PCDHGB3: variants seen among roughly 807,000 people sequenced by gnomAD.
The protein encoded by PCDHGB3 is protocadherin gamma subfamily B, 3, also known as protocadherin gamma-B3.
A neutral mutation model predicts 59.2 loss-of-function variants in PCDHGB3; 40 were observed. The ratio of observed to expected loss-of-function variants is 0.68; its 90% CI spans 0.52 to 0.88. The LOEUF is 0.88. Ranked by LOEUF, PCDHGB3 falls within the 40% of genes least tolerant of loss-of-function variation. PCDHGB3 has a pLI of 0.00. For synonymous variants in PCDHGB3, 581 were observed against 503.6 expected (o/e 1.15, Z -2.06); for missense variants, 1,309 against 1,187.9 (o/e 1.10, Z -1.50).
intron 1 of PCDHGB3, chr5:141,415,759 T>TTTG: frequency 3.7e-6 from 5 of 1,352,140 alleles, no homozygotes; most frequent in Non-Finnish European, 4.8e-6. Flanking sequence ...TTTTTTTTTT[T>TTTG]TTTTTTTTTT....
In PCDHGB3 at chr5:141,491,681, C is replaced by A; in HGVS notation, c.2416-3126C>A. The A allele has an allele frequency of 6.2e-7, 1 of 1,613,458 alleles. No individual in the cohort carries two copies. Among genetic ancestry groups the A allele is most frequent in the Non-Finnish European group, 8.5e-7 (1 of 1,179,804 alleles). ...GACGCCATCCGGTCCCGCTCTAATA[C>A]GCTGCGGGAGCGGAGCCAGGTGAGG... On this transcript the variant is annotated intron_variant, in intron 1 of 3. Coordinates refer to ENST00000576222, the MANE Select transcript of PCDHGB3 (RefSeq NM_018924.5). This position sits in a 1 kb window ranked among gnomAD's most constrained non-coding sequence, Gnocchi z 6.9.
chr5:141,430,485 G>T (rs926788879), intron 1 of PCDHGB3: 2 of 252,972 alleles, frequency 7.9e-6, no homozygotes, highest in Non-Finnish European at 7.4e-6. Flanking sequence ...ATATAAAAAC[G>T]AAATATCCTT....
At chr5:141,376,460 A>G (rs1437479138) in intron 1 of PCDHGB3, 3 of 1,614,038 alleles carry the variant, frequency 1.9e-6, no homozygotes, top group Non-Finnish European at 2.5e-6. Context: ...GCCTCTTCTG[A>G]TAACTCAGGA....
intron 1 of PCDHGB3, chr5:141,478,197 T>G (rs2099437910): frequency 6.2e-7 from 1 of 1,613,956 alleles, no homozygotes; most frequent in Admixed American, 1.7e-5. Context: ...ACCTTTTATC[T>G]ACTTCTTTCT....
At chr5:141,380,282 T>C (rs1263967352) in intron 1 of PCDHGB3, among the ~76,000 whole-genome samples, 3 of 152,306 alleles carry the variant, frequency 2.0e-5, no homozygotes, top group Admixed American at 6.5e-5. Flanking sequence ...AGGAGAAACA[T>C]TGGAAGATAC....
intron 1 of PCDHGB3, among the ~76,000 whole-genome samples, chr5:141,405,786 T>C (rs72790035): frequency 0.064 from 9,727 of 151,196 alleles, 364 homozygotes; most frequent in African/African-American, 0.1. Context: ...CCCTTAACTT[T>C]CTATTATAGT....
chr5:141,409,490 C>G (rs780688280), intron 1 of PCDHGB3: 12 of 1,613,892 alleles, frequency 7.4e-6, no homozygotes, highest in Non-Finnish European at 1.0e-5. Context: ...CAGGGGCAAG[C>G]CGCCTCTTTC....
At chr5:141,410,705 A>G (rs1462423983) in intron 1 of PCDHGB3, 1 of 1,460,780 alleles carries the variant, frequency 6.8e-7, no homozygotes, top group Non-Finnish European at 9.1e-7. Context: ...TTTCATATCT[A>G]GAATCATATG....
At chr5:141,395,072 T>C in intron 1 of PCDHGB3, 1 of 1,614,148 alleles carries the variant, frequency 6.2e-7, no homozygotes, top group Non-Finnish European at 8.5e-7. Context: ...TGCAGACCTA[T>C]TCCCAGGAAG....
chr5:141,487,595 G>C lies in PCDHGB3; in HGVS notation c.2416-7212G>C. ...TGTTCGCCCAAGCTGCCCACCCTCT[G>C]ATCTTCTCTATGGGCTAGAGGTGAG... On this transcript the variant is annotated intron_variant, in intron 1 of 3. Coordinates refer to ENST00000576222, the MANE Select transcript of PCDHGB3 (RefSeq NM_018924.5). The surrounding 1 kb of genome is among the most constrained non-coding windows in gnomAD (Gnocchi z 5.0). 1 of 1,614,202 alleles carries C rather than the reference G, an allele frequency of 6.2e-7. No homozygotes were observed. The highest frequency in any genetic ancestry group is 8.5e-7 in the Non-Finnish European group (1 of 1,180,038).
chr5:141,508,979 G>C (rs1317798009), intron 3 of PCDHGB3, among the ~76,000 whole-genome samples: 1 of 152,110 alleles, frequency 6.6e-6, no homozygotes, highest in Admixed American at 6.5e-5. Context: ...GCTGGGGGTG[G>C]GGGCCAGCTG....
intron 1 of PCDHGB3, chr5:141,389,310 G>A: frequency 6.2e-7 from 1 of 1,614,018 alleles, no homozygotes; most frequent in Non-Finnish European, 8.5e-7. Context: ...CAGGGCTTCT[G>A]ATCCGGACTT....
At chr5:141,470,202 A>G (rs928782890) in intron 1 of PCDHGB3, among the ~76,000 whole-genome samples, 9 of 152,216 alleles carry the variant, frequency 5.9e-5, no homozygotes, top group Non-Finnish European at 1.2e-4. Flanking sequence ...GATAAATATG[A>G]AGGCTAAACC....
rs2097401329 is a variant in PCDHGB3 at position 141,431,623 on chromosome 5, G to A, written c.2415+58814G>A. 1 of 1,614,192 alleles carries A rather than the reference G, an allele frequency of 6.2e-7. No homozygotes were observed. The highest frequency in any genetic ancestry group is 1.7e-5 in the Admixed American group (1 of 60,028). On this transcript the variant is annotated intron_variant, in intron 1 of 3. Coordinates refer to ENST00000576222, the MANE Select transcript of PCDHGB3 (RefSeq NM_018924.5). This position sits in a 1 kb window ranked among gnomAD's most constrained non-coding sequence, Gnocchi z 4.8. ...CCTTCCGGTATGTGGACGACAAGGC[G>A]GCCCAAGTTTTCAAACTAGATTGTA...
chr5:141,433,140 CAGGTGATTCGGTATTTTCTAAAG>C (rs2097570930), intron 1 of PCDHGB3: 1 of 1,613,948 alleles, frequency 6.2e-7, no homozygotes, highest in Non-Finnish European at 8.5e-7. Flanking sequence ...CTTTTGCTGT[CAGGTGATTCGGTATTTTCTAAAG>C]ACAGTCATGG....
chr5:141,418,085 A>C lies in PCDHGB3; in HGVS notation c.2415+45276A>C, dbSNP rs1235378254. On this transcript the variant is annotated intron_variant, in intron 1 of 3. Transcript: ENST00000576222. The stretch of plus-strand genomic sequence containing the variant: ...AGTGAGCGCGGAGAAGCTGCACTTC[A>C]GCGTAGACGCGCAGAGCGGGGACTT... The C allele has an allele frequency of 2.5e-6, 4 of 1,613,936 alleles. No homozygotes were observed. The highest frequency in any genetic ancestry group is 3.4e-6 in the Non-Finnish European group (4 of 1,179,908).
chr5:141,420,496 G>T, intron 1 of PCDHGB3: 1 of 495,924 alleles, frequency 2.0e-6, no homozygotes, highest in Non-Finnish European at 3.1e-6. Context: ...GTAATCTCCG[G>T]TGACATTTTT....
At chr5:141,421,999 T>C in intron 1 of PCDHGB3, 1 of 1,609,214 alleles carries the variant, frequency 6.2e-7, no homozygotes, top group Non-Finnish European at 8.5e-7. Context: ...AAACATCAGC[T>C]CCGGAACTCG....
intron 1 of PCDHGB3, among the ~76,000 whole-genome samples, chr5:141,481,215 G>T (rs1238465869): frequency 6.6e-6 from 1 of 152,152 alleles, no homozygotes; most frequent in Non-Finnish European, 1.5e-5. Context: ...AACATGGTAA[G>T]GTCTCCCAGC....
Sources: gnomAD v4.1 joint callset for allele counts (sites outside exome capture counted in the v4.1 genomes callset) on GRCh38, gnomAD v4.1.1 for gene constraint, Gnocchi (gnomAD v3.1) non-coding constraint, MANE v1.5 for transcripts, NCBI Gene and HGNC (gene_info 2026-07-23, HGNC 2026-07-21) for gene names.